Variants in DMD observed in about 807,000 individuals in gnomAD.
DMD encodes dystrophin, also known as mutant dystrophin.
In DMD, 63 loss-of-function variants were observed where a neutral mutation model predicts 330.1. That is an observed-to-expected ratio of 0.19 (90% confidence interval 0.16 to 0.24). The LOEUF is 0.24. Ranked by LOEUF, DMD falls within the 10% of genes least tolerant of loss-of-function variation. DMD has a pLI of 1.00. For synonymous variants in DMD, 1,223 were observed against 959.8 expected (o/e 1.27, Z -5.07); for missense variants, 3,344 against 2,684.1 (o/e 1.25, Z -5.43).
At chrX:31,916,028 C>G (rs2094604319) in intron 47 of DMD, among the ~76,000 whole-genome samples, 1 of 112,012 alleles carries the variant, frequency 8.9e-6, no homozygotes, top group Non-Finnish European at 1.9e-5. Flanking sequence ...GAGCCAGCTC[C>G]AAGCTTAAGC....
At chrX:32,599,480 A>G (rs1355995614) in intron 12 of DMD, among the ~76,000 whole-genome samples, 2 of 111,781 alleles carry the variant, frequency 1.8e-5, no homozygotes, top group African/African-American at 6.5e-5. Context: ...ATATTTAATT[A>G]CAATTTTAAA....
At chrX:33,103,470 T>C (rs1021891262) in intron 1 of DMD, among the ~76,000 whole-genome samples, 1 of 110,994 alleles carries the variant, frequency 9.0e-6, no homozygotes. Flanking sequence ...CCTTGTGAAA[T>C]TCCTTCTCCT....
intron 2 of DMD, among the ~76,000 whole-genome samples, chrX:32,937,009 T>C (rs1176850377): frequency 9.0e-6 from 1 of 111,543 alleles, no homozygotes; most frequent in African/African-American, 3.3e-5. Flanking sequence ...TATCCCACAT[T>C]AACTCAATCA....
intron 55 of DMD, among the ~76,000 whole-genome samples, chrX:31,538,190 T>C (rs2073555839): frequency 8.9e-6 from 1 of 112,357 alleles, no homozygotes; most frequent in Non-Finnish European, 1.9e-5. Context: ...AGGATCTTTC[T>C]TCCCTTGGGG....
intron 2 of DMD, among the ~76,000 whole-genome samples, chrX:32,961,987 T>C (rs1264676073): frequency 8.9e-6 from 1 of 111,920 alleles, no homozygotes; most frequent in East Asian, 2.8e-4. Context: ...TTTGTACTTT[T>C]GATTGTGGGA....
chrX:32,808,150 T>C (rs1047924178), intron 7 of DMD, among the ~76,000 whole-genome samples: 1 of 111,471 alleles, frequency 9.0e-6, no homozygotes, highest in African/African-American at 3.3e-5. Flanking sequence ...TAATAGTTTC[T>C]CCCTTAGAGC....
chrX:32,456,461 A>G (rs950328648), intron 25 of DMD, among the ~76,000 whole-genome samples: 2 of 111,186 alleles, frequency 1.8e-5, no homozygotes, highest in Non-Finnish European at 3.8e-5. Context: ...ATTTCTACTT[A>G]GAAACTCTGC....
rs1375821599 is a variant in DMD, at chrX:32,645,093, G to A, written c.1020C>T (p.Asn340=). The change falls in exon 10 of 79, where the codon AAC becomes AAT. Residue 340 remains asparagine (N), a synonymous_variant. Coordinates refer to ENST00000357033, the MANE Select transcript of DMD (RefSeq NM_004006.3). ...FGSSLMESEV[N]LDRYQTALEE... ...CTAAAGCTGTTTGATAACGGTCCAG[G>A]TTTACTTCACTCTCCATCAATGAAC... 1.7e-6 allele frequency: 2 copies of A among 1,211,419 alleles called. No individual in the cohort carries two copies. Among genetic ancestry groups the A allele is most frequent in the South Asian group, 3.5e-5 (2 of 56,972 alleles).
At chrX:32,556,391 TG>T (rs965765566) in intron 16 of DMD, among the ~76,000 whole-genome samples, 38 of 111,423 alleles carry the variant, frequency 3.4e-4, no homozygotes, top group African/African-American at 1.2e-3. Context: ...TCAACCCTTG[TG>T]GAAGACAATG....
At chrX:31,690,410 C>G (rs1184866450) in intron 52 of DMD, among the ~76,000 whole-genome samples, 1 of 111,985 alleles carries the variant, frequency 8.9e-6, no homozygotes, top group Non-Finnish European at 1.9e-5. Context: ...AAATCAAAAC[C>G]ACAATGAGAT....
chrX:32,496,929 G>T (rs368279295), intron 19 of DMD, among the ~76,000 whole-genome samples: 1 of 112,208 alleles, frequency 8.9e-6, no homozygotes, highest in African/African-American at 3.2e-5. Context: ...CATGATGAAG[G>T]GGCTGGGCTA....
intron 13 of DMD, among the ~76,000 whole-genome samples, chrX:32,595,336 G>C (rs971153727): frequency 6.3e-5 from 7 of 111,638 alleles, no homozygotes; most frequent in African/African-American, 2.3e-4. Context: ...AACCACACAA[G>C]CATCACCTTG....
At chrX:31,749,364 A>G (rs5927835) in intron 51 of DMD, among the ~76,000 whole-genome samples, 4,265 of 93,290 alleles carry the variant, frequency 0.046, 151 homozygotes, top group Middle Eastern at 0.11. Flanking sequence ...TCATTGTTCA[A>G]TTCCCACCTA....
intron 61 of DMD, among the ~76,000 whole-genome samples, chrX:31,344,875 A>ACACACG (rs2058005305): frequency 9.0e-6 from 1 of 110,989 alleles, no homozygotes; most frequent in African/African-American, 3.3e-5. Context: ...ACACACACAC[A>ACACACG]CACGCAACCA....
chrX:32,488,735 C>G (rs760380702), intron 20 of DMD, among the ~76,000 whole-genome samples: 1 of 111,059 alleles, frequency 9.0e-6, no homozygotes, highest in East Asian at 2.9e-4. Context: ...TATATAAAAC[C>G]TCTGGTGATC....
At chrX:32,746,881 G>A (rs1020958717) in intron 7 of DMD, among the ~76,000 whole-genome samples, 1 of 110,463 alleles carries the variant, frequency 9.1e-6, no homozygotes, top group African/African-American at 3.3e-5. Context: ...ACCCTCCCCG[G>A]CTTCTGCTAA....
Position 33,194,003 on chromosome X carries a change from A to T in DMD, c.31+17279T>A, listed in dbSNP as rs750453674. ...AGGAGTATATAATCTAGTAGCGGAG[A>T]TAATATAATTTTTAAAGTTATATTT... is the stretch of plus-strand genomic sequence containing the variant. On this transcript the variant is annotated intron_variant, in intron 1 of 78. Coordinates refer to ENST00000357033, the MANE Select transcript of DMD (RefSeq NM_004006.3). Among the ~76,000 whole-genome samples, 10 of 110,801 alleles carry T rather than the reference A, an allele frequency of 9.0e-5. No individual in the cohort carries two copies. The East Asian group carries it at 2.8e-3, about 31-fold the overall frequency.
intron 1 of DMD, among the ~76,000 whole-genome samples, chrX:33,099,829 T>A (rs746910237): frequency 9.0e-6 from 1 of 111,674 alleles, no homozygotes; most frequent in East Asian, 2.8e-4. Flanking sequence ...GTAAGCATTC[T>A]TTACTGTTTT....
intron 44 of DMD, among the ~76,000 whole-genome samples, chrX:32,089,394 A>T (rs1421253869): frequency 1.8e-5 from 2 of 111,484 alleles, no homozygotes; most frequent in Non-Finnish European, 3.8e-5. Flanking sequence ...CAGGTACTAA[A>T]CATAGTACCC....
Sources: allele counts gnomAD v4.1 joint callset (sites outside exome capture counted in the v4.1 genomes callset), GRCh38; gene constraint gnomAD v4.1.1; transcripts MANE v1.5; gene names NCBI Gene and HGNC (gene_info 2026-07-23, HGNC 2026-07-21).